RSF1: variants seen among roughly 807,000 people sequenced by gnomAD.
RSF1 encodes the protein remodeling and spacing factor 1.
A neutral mutation model predicts 145.2 loss-of-function variants in RSF1; 13 were observed. The observed-to-expected ratio is 0.09, with a 90% confidence interval of 0.06 to 0.14. The LOEUF (loss-of-function observed/expected upper bound fraction) is 0.14, where lower values mean the gene tolerates loss of function less well. RSF1 is among the 10% of genes least tolerant of loss of function. RSF1 has a pLI of 1.00. For synonymous variants in RSF1, 577 were observed against 592.6 expected (o/e 0.97, Z 0.38); for missense variants, 1,517 against 1,718.2 (o/e 0.88, Z 2.07).
At chr11:77,755,381 G>C (rs1203911579) in intron 2 of RSF1, among the ~76,000 whole-genome samples, 1 of 152,174 alleles carries the variant, frequency 6.6e-6, no homozygotes, top group Non-Finnish European at 1.5e-5. Context: ...ATTTATCAAG[G>C]TTCCTTGGCT....
chr11:77,698,413 GA>G, intron 7 of RSF1, 73 bp downstream of exon 7: 1 of 1,191,484 alleles, frequency 8.4e-7, no homozygotes, highest in Non-Finnish European at 1.2e-6. Flanking sequence ...ATAAAACCCA[GA>G]AGAGTTAGGC....
the RSF1 span, chr11:77,850,899 A>G: frequency 6.6e-6 from 1 of 151,862 alleles, no homozygotes; most frequent in Non-Finnish European, 1.5e-5. Flanking sequence ...ATTCTCCTCT[A>G]TAACTACAAT....
Position 77,667,455 on chromosome 11 carries a change from A to G in RSF1, c.3788T>C (p.Leu1263Pro). Residue 1263 changes from leucine to proline, a missense_variant, in exon 16 of 16, where the codon CTA becomes CCA. Leu to Pro is a moderately conservative substitution (Grantham distance 98). Transcript: ENST00000308488. ...AACTGACCGCTTTGATTCTTTAGCT[A>G]GCTCATCATCTTCAGAGTTCTTGGA... ...YLSKNSEDDE[L>P]AKESKRSVRK... is the part of the protein sequence containing the mutation. 6.2e-7 allele frequency: 1 copy of G among 1,612,780 alleles called. No homozygotes were observed. Among genetic ancestry groups the G allele is most frequent in the East Asian group, 2.2e-5 (1 of 44,866 alleles).
At chr11:77,818,218 C>A (rs191925048) in intron 1 of RSF1, among the ~76,000 whole-genome samples, 6 of 152,216 alleles carry the variant, frequency 3.9e-5, no homozygotes, top group African/African-American at 1.2e-4. Context: ...ATATTGTATT[C>A]CTGTGATATT....
intron 1 of RSF1, among the ~76,000 whole-genome samples, chr11:77,802,342 T>C (rs68146267): frequency 0.18 from 26,827 of 152,046 alleles, 2,947 homozygotes; most frequent in African/African-American, 0.29. Context: ...GGCAGTCTTG[T>C]GGGTCTGAGT....
chr11:77,686,826 T>G (rs1399786578), intron 9 of RSF1, among the ~76,000 whole-genome samples: 1 of 152,194 alleles, frequency 6.6e-6, no homozygotes, highest in Admixed American at 6.5e-5. Context: ...TGTAGAGACC[T>G]CTATGGTAAA....
the RSF1 span, among the ~76,000 whole-genome samples, chr11:77,849,383 G>A: frequency 1.3e-5 from 2 of 152,020 alleles, no homozygotes; most frequent in Admixed American, 6.6e-5. Context: ...GACCACGCCC[G>A]GCTAATTTCT....
intron 1 of RSF1, among the ~76,000 whole-genome samples, chr11:77,792,552 C>G (rs1439818332): frequency 6.6e-6 from 1 of 152,098 alleles, no homozygotes; most frequent in Non-Finnish European, 1.5e-5. Flanking sequence ...CAACCCAGTC[C>G]CCAGGAACAC....
chr11:77,746,875 A>C (rs1948007708), intron 3 of RSF1, among the ~76,000 whole-genome samples, 161 bp downstream of exon 3: 1 of 152,216 alleles, frequency 6.6e-6, no homozygotes, highest in African/African-American at 2.4e-5. Flanking sequence ...ATGCATCAAA[A>C]AACAGCACTT....
chr11:77,735,067 C>T lies in RSF1; in HGVS notation c.578+5664G>A, dbSNP rs554507764. 616 of 1,187,686 alleles carry T rather than the reference C, an allele frequency of 5.2e-4. 10 individuals carry two copies. The South Asian group carries it at 7.2e-3, about 14-fold the overall frequency. 73.6% of individuals were successfully genotyped at this position (1,187,686 alleles called of 1,614,324 possible). On this transcript the variant is annotated intron_variant, in intron 4 of 15. Transcript: ENST00000308488. ...GAGGTGGCGGCGGTGGCAGTGGCTG[C>T]GTGGCGCTGGGGCGGCGGCAGGGGC...
At chr11:77,769,010 T>C (rs1290360538) in intron 1 of RSF1, among the ~76,000 whole-genome samples, 1 of 152,224 alleles carries the variant, frequency 6.6e-6, no homozygotes, top group Non-Finnish European at 1.5e-5. Context: ...TAAATTTTAA[T>C]AAACACGTAG....
intron 1 of RSF1, chr11:77,813,197 GA>G: frequency 2.4e-6 from 1 of 420,154 alleles, no homozygotes; most frequent in Non-Finnish European, 4.3e-6. Context: ...ATTTTTAAAT[GA>G]ATATTAAAAC....
chr11:77,767,129 T>C (rs1948234571), intron 1 of RSF1, among the ~76,000 whole-genome samples: 2 of 152,226 alleles, frequency 1.3e-5, no homozygotes, highest in East Asian at 1.9e-4. Context: ...AAGGCTGTGT[T>C]GGCTATCTCA....
chr11:77,763,229 C>G (rs1444077722), intron 2 of RSF1: 3 of 151,890 alleles, frequency 2.0e-5, no homozygotes, highest in African/African-American at 7.3e-5. Context: ...GTAGTCCCAG[C>G]TACTCAGGAG....
intron 1 of RSF1, among the ~76,000 whole-genome samples, chr11:77,767,663 G>T (rs933718374): frequency 2.0e-5 from 3 of 152,142 alleles, no homozygotes; most frequent in African/African-American, 7.2e-5. Context: ...ATCTTTCAAT[G>T]TCTAGGCAAT....
At chr11:77,806,634 C>A (rs1948680161) in intron 1 of RSF1, among the ~76,000 whole-genome samples, 1 of 151,782 alleles carries the variant, frequency 6.6e-6, no homozygotes, top group Non-Finnish European at 1.5e-5. Context: ...TGAGCTATGA[C>A]TGCACCACTG....
At chr11:77,743,626 T>C (rs748662575) in intron 3 of RSF1, among the ~76,000 whole-genome samples, 1 of 152,200 alleles carries the variant, frequency 6.6e-6, no homozygotes, top group African/African-American at 2.4e-5. Context: ...GGTAGAGTCT[T>C]TAGGATTTTT....
intron 1 of RSF1, among the ~76,000 whole-genome samples, chr11:77,768,333 T>C (rs1454058340): frequency 1.3e-5 from 2 of 151,988 alleles, no homozygotes; most frequent in Non-Finnish European, 2.9e-5. Flanking sequence ...TGGCTGATTT[T>C]TATATTTTTA....
intron 2 of RSF1, among the ~76,000 whole-genome samples, chr11:77,751,828 T>C (rs989530581): frequency 6.6e-6 from 1 of 152,232 alleles, no homozygotes; most frequent in Non-Finnish European, 1.5e-5. Flanking sequence ...TGTACTGCGA[T>C]AGTTACTGAA....
Sources: gnomAD v4.1 joint callset for allele counts (sites outside exome capture counted in the v4.1 genomes callset) on GRCh38, gnomAD v4.1.1 for gene constraint, MANE v1.5 for transcripts, NCBI Gene and HGNC (gene_info 2026-07-23, HGNC 2026-07-21) for gene names.